The following FFAR4 variants were observed in gnomAD, a reference collection of about 807,000 sequenced individuals.
FFAR4 encodes free fatty acid receptor 4.
A neutral mutation model predicts 27.0 loss-of-function variants in FFAR4; 19 were observed. The ratio of observed to expected loss-of-function variants is 0.70; its 90% confidence interval spans 0.49 to 1.03. The LOEUF is 1.03. Among genes scored for constraint, FFAR4 ranks in the 50% least tolerant of loss-of-function variants. The pLI is 0.00. For synonymous variants in FFAR4, 254 were observed against 215.6 expected (o/e 1.18, Z -1.56); for missense variants, 476 against 479.0 (o/e 0.99, Z 0.06).
intron 1 of FFAR4, among the ~76,000 whole-genome samples, chr10:93,574,838 G>A (rs532297562): frequency 1.1e-4 from 17 of 152,266 alleles, no homozygotes; most frequent in African/African-American, 4.1e-4. Context: ...GGCGGAGGTT[G>A]CAGTGAGCCG....
chr10:93,575,385 A>G (rs1001422060), intron 1 of FFAR4, among the ~76,000 whole-genome samples: 4 of 152,258 alleles, frequency 2.6e-5, no homozygotes, highest in African/African-American at 7.2e-5. Context: ...CATATGTTGC[A>G]GTTCTTGCAG....
At position 93,566,713 on chromosome 10, in the gene FFAR4, C is replaced by A. The variant is rs1184203086; in HGVS notation, c.-8C>A. The A allele has an allele frequency of 2.6e-6, 4 of 1,561,360 alleles. No homozygotes were observed. In the South Asian group the frequency reaches 3.6e-5, roughly 14 times the overall value. ...TCTCAGACCGCTGCGGGCCGCCAGGCGCCGGGAATGTCCCCTGAATGCGCG... is the reference window on the plus strand; with the variant it reads ...TCTCAGACCGCTGCGGGCCGCCAGGAGCCGGGAATGTCCCCTGAATGCGCG... On this transcript the variant is annotated 5_prime_UTR_variant, in exon 1 of 3. Coordinates refer to ENST00000371481, the MANE Select transcript of FFAR4 (RefSeq NM_001195755.2).
chr10:93,570,579 C>T (rs1053587370), intron 1 of FFAR4, among the ~76,000 whole-genome samples: 2 of 152,090 alleles, frequency 1.3e-5, no homozygotes, highest in Non-Finnish European at 2.9e-5. Flanking sequence ...AGAGAATCAA[C>T]CAAGCCTAAG....
chr10:93,567,170 TG>T lies in FFAR4; in HGVS notation c.453del (p.Arg152GlyfsTer45). Reference sequence around the variant, plus strand: ...ACCTGCAGCGCGGCGTGCGGGGTCCTGGGCGGCGGGCGCGGGCAGTGCTGCT... The same window carrying T: ...ACCTGCAGCGCGGCGTGCGGGGTCCTGGCGGCGGGCGCGGGCAGTGCTGCT... ...VHLQRGVRGP[G>X]RRARAVLLAL... On this transcript the variant is annotated frameshift_variant, in exon 1 of 3. Coordinates refer to ENST00000371481, the MANE Select transcript of FFAR4 (RefSeq NM_001195755.2). LOFTEE classifies it high-confidence loss of function. 1 of 1,604,452 alleles carries T rather than the reference TG, an allele frequency of 6.2e-7. No individual in the cohort carries two copies.
intron 1 of FFAR4, among the ~76,000 whole-genome samples, chr10:93,574,694 C>A (rs1020325772): frequency 2.0e-5 from 3 of 151,816 alleles, no homozygotes; most frequent in Non-Finnish European, 4.4e-5. Context: ...CGAGACCATT[C>A]TGGCTAACAT....
Position 93,567,035 on chromosome 10 carries a change from G to T in FFAR4, c.315G>T (p.Leu105=). The change falls in exon 1 of 3, where the codon CTG becomes CTT. Residue 105 remains leucine (L), a synonymous_variant. Coordinates refer to ENST00000371481, the MANE Select transcript of FFAR4 (RefSeq NM_001195755.2). The part of the protein sequence containing the change: ...VLAVRWTEAW[L]LGPVACHLLF... ...CCGTGCGCTGGACTGAGGCCTGGCT[G>T]CTGGGCCCCGTTGCCTGCCACCTGC... 6.2e-7 allele frequency: 1 copy of T among 1,611,688 alleles called. No individual in the cohort carries two copies. The highest frequency in any genetic ancestry group is 8.5e-7 in the Non-Finnish European group (1 of 1,179,846).
chr10:93,572,595 A>G (rs1379186464), intron 1 of FFAR4, among the ~76,000 whole-genome samples: 4 of 152,182 alleles, frequency 2.6e-5, no homozygotes, highest in African/African-American at 4.8e-5. Flanking sequence ...GTCAATGGCT[A>G]TGAAGGAGGA....
chr10:93,571,529 C>T lies in FFAR4; in HGVS notation c.567+4242C>T, dbSNP rs913472493. ...CACTCTTTTGGGTCCCTCTGGATAC[C>T]GTCACCCTTGGGTTTATACTCCCTT... On this transcript the variant is annotated intron_variant, in intron 1 of 2. Transcript: ENST00000371481. Among the ~76,000 whole-genome samples, 6 of 152,124 alleles carry T rather than the reference C, an allele frequency of 3.9e-5. No homozygotes were observed. The South Asian group carries it at 8.3e-4, about 21-fold the overall frequency.
chr10:93,587,435 C>T lies in FFAR4; in HGVS notation c.912C>T (p.Phe304=). Residue 304 remains phenylalanine (F), a synonymous_variant, in exon 3 of 3, where the codon TTC becomes TTT. Transcript: ENST00000371481. ...QDLVIWPSLF[F]WVVAFTFANS... is the part of the protein sequence containing the mutation. Reference sequence around the variant, plus strand: ...TGGTCATCTGGCCGTCCCTCTTCTTCTGGGTGGTGGCCTTCACATTTGCTA... The same window carrying T: ...TGGTCATCTGGCCGTCCCTCTTCTTTTGGGTGGTGGCCTTCACATTTGCTA... 1 of 1,614,170 alleles carries T rather than the reference C, an allele frequency of 6.2e-7. No individual in the cohort carries two copies. Among genetic ancestry groups the T allele is most frequent in the Non-Finnish European group, 8.5e-7 (1 of 1,180,024 alleles).
chr10:93,583,576 G>T (rs1728664874), intron 2 of FFAR4, among the ~76,000 whole-genome samples: 1 of 152,126 alleles, frequency 6.6e-6, no homozygotes, highest in African/African-American at 2.4e-5. Flanking sequence ...GTTAAAGCCT[G>T]GGCAGAAGGA....
intron 1 of FFAR4, among the ~76,000 whole-genome samples, chr10:93,575,311 T>C (rs557124361): frequency 1.3e-5 from 2 of 152,374 alleles, no homozygotes; most frequent in Admixed American, 1.3e-4. Context: ...CTGTTTTCAT[T>C]GGCCTATTTA....
At chr10:93,579,273 C>T (rs2058185548) in intron 2 of FFAR4, 5 of 1,333,190 alleles carry the variant, frequency 3.8e-6, no homozygotes, top group South Asian at 1.2e-5. Flanking sequence ...TCACCACCCT[C>T]ACCTTAAGGC....
intron 2 of FFAR4, among the ~76,000 whole-genome samples, chr10:93,581,880 C>T (rs2058199395): frequency 6.6e-6 from 1 of 152,078 alleles, no homozygotes; most frequent in African/African-American, 2.4e-5. Flanking sequence ...CCGGAGAAGA[C>T]ACTGGCACCT....
At chr10:93,583,861 G>A (rs1262975027) in intron 2 of FFAR4, among the ~76,000 whole-genome samples, 2 of 152,232 alleles carry the variant, frequency 1.3e-5, no homozygotes, top group Non-Finnish European at 2.9e-5. Flanking sequence ...ATAAATGTGA[G>A]CCTTCATCAA....
rs1486577900 is a variant in FFAR4, at chr10:93,566,712, G to A, written c.-9G>A. 6.4e-7 allele frequency: 1 copy of A among 1,560,754 alleles called. No homozygotes were observed. The highest frequency in any genetic ancestry group is 1.4e-5 in the African/African-American group (1 of 73,774). On this transcript the variant is annotated 5_prime_UTR_variant, in exon 1 of 3. Coordinates refer to ENST00000371481, the MANE Select transcript of FFAR4 (RefSeq NM_001195755.2). Reference sequence around the variant, plus strand: ...CTCTCAGACCGCTGCGGGCCGCCAGGCGCCGGGAATGTCCCCTGAATGCGC... The same window carrying A: ...CTCTCAGACCGCTGCGGGCCGCCAGACGCCGGGAATGTCCCCTGAATGCGC...
intron 1 of FFAR4, among the ~76,000 whole-genome samples, chr10:93,568,963 T>C (rs2058116229): frequency 6.6e-6 from 1 of 152,154 alleles, no homozygotes; most frequent in South Asian, 2.1e-4. Context: ...GTGCCATTTA[T>C]GGGCAGACCA....
chr10:93,573,963 A>G, intron 1 of FFAR4, among the ~76,000 whole-genome samples: 1 of 152,230 alleles, frequency 6.6e-6, no homozygotes. Context: ...AAATTAGGAA[A>G]TTCAGATAAG....
intron 2 of FFAR4, among the ~76,000 whole-genome samples, chr10:93,578,899 C>G (rs1403813378): frequency 1.3e-5 from 2 of 152,194 alleles, no homozygotes; most frequent in Non-Finnish European, 2.9e-5. Flanking sequence ...AGGTCTCACT[C>G]CTGAGTTCCT....
chr10:93,589,116 C>T lies in FFAR4; in HGVS notation c.*1507C>T, dbSNP rs1361966558. On this transcript the variant is annotated 3_prime_UTR_variant, in exon 3 of 3. Transcript: ENST00000371481. ...GTAAGCCGACTATTGATGGAGCCTC[C>T]TCTGCACTAGGCACTGCCTTTAATG... 6.6e-6 allele frequency: 1 copy of T among 152,284 alleles called. No homozygotes were observed. Among genetic ancestry groups the T allele is most frequent in the Non-Finnish European group, 1.5e-5 (1 of 68,094 alleles). The allele number at this position is 152,284 out of a possible 1,614,324, so 9.4% of individuals were successfully genotyped here. A position where few individuals can be genotyped will look rare whatever the true frequency, so the allele number is the denominator to read the frequency against.
Sources: allele counts gnomAD v4.1 joint callset (sites outside exome capture counted in the v4.1 genomes callset), GRCh38; gene constraint gnomAD v4.1.1; transcripts MANE v1.5; gene names NCBI Gene and HGNC (gene_info 2026-07-23, HGNC 2026-07-21).